The following EP300 variants were observed in gnomAD, a reference collection of about 807,000 sequenced individuals.
The protein encoded by EP300 is histone acetyltransferase p300.
Under a neutral mutation model 264.0 loss-of-function variants are expected in EP300, and 31 were observed. That is an observed-to-expected ratio of 0.12 (90% CI 0.09 to 0.16). The LOEUF is 0.16. Ranked by LOEUF, EP300 falls within the 10% of genes least tolerant of loss-of-function variation. EP300 has a pLI of 1.00. For missense variants in EP300, 2,766 were observed against 3,052.9 expected (o/e 0.91, Z 2.21); for synonymous variants, 1,340 against 1,045.4 (o/e 1.28, Z -5.44).
intron 1 of EP300, among the ~76,000 whole-genome samples, chr22:41,106,534 C>G (rs1052555116): frequency 6.6e-6 from 1 of 152,172 alleles, no homozygotes; most frequent in East Asian, 1.9e-4. Context: ...TTGTTCCACT[C>G]TTCATCTGTC....
intron 1 of EP300, among the ~76,000 whole-genome samples, chr22:41,101,567 A>G (rs1218358104): frequency 1.3e-5 from 2 of 151,754 alleles, no homozygotes; most frequent in Non-Finnish European, 2.9e-5. Context: ...ACCCGCCACC[A>G]TGCCCGGCTA....
intron 7 of EP300, among the ~76,000 whole-genome samples, chr22:41,137,006 G>C (rs1353715899): frequency 1.3e-5 from 2 of 150,530 alleles, no homozygotes; most frequent in Non-Finnish European, 3.0e-5. Context: ...GTTGCAGTGA[G>C]CTGAGATCAT....
At chr22:41,173,879 A>AG (rs1467195311) in intron 29 of EP300, 95 bp downstream of exon 29, 3 of 1,475,334 alleles carry the variant, frequency 2.0e-6, no homozygotes, top group Non-Finnish European at 2.8e-6. Context: ...TGGGAGGCCA[A>AG]GGCGGGTGGA....
At position 41,179,880 on chromosome 22, in the gene EP300, T is replaced by TCACACACA. The variant is rs59721178; in HGVS notation, c.*960_*967dup. On this transcript the variant is annotated 3_prime_UTR_variant, in exon 31 of 31. Coordinates refer to ENST00000263253, the MANE Select transcript of EP300 (RefSeq NM_001429.4). Reference sequence around the variant, plus strand: ...TCTTCCTCCTTACCCTACCCCCCACTCACACACACACACACACACACACAC... The same window carrying TCACACACA: ...TCTTCCTCCTTACCCTACCCCCCACTCACACACACACACACACACACACACACACACAC... 169 of 167,196 alleles carry TCACACACA rather than the reference T, an allele frequency of 1.0e-3. 2 individuals are homozygous for TCACACACA. Among genetic ancestry groups the TCACACACA allele is most frequent in the African/African-American group, 2.5e-3 (99 of 39,896 alleles). 10.4% of individuals were successfully genotyped at this position (167,196 alleles called of 1,614,324 possible).
At chr22:41,176,041 G>A (rs986449275) in intron 29 of EP300, 80 of 606,418 alleles carry the variant, frequency 1.3e-4, no homozygotes, top group South Asian at 4.7e-4. Context: ...GCAACATGGC[G>A]AAGCCTCGTC....
chr22:41,146,764 G>C lies in EP300; in HGVS notation c.2079G>C (p.Met693Ile), dbSNP rs2145732328. Residue 693 changes from methionine to isoleucine, a missense_variant, in exon 11 of 31, where the codon ATG becomes ATC. Coordinates refer to ENST00000263253, the MANE Select transcript of EP300 (RefSeq NM_001429.4). ...TSNGPLPDPS[M>I]IRGSVPNQMM... The stretch of plus-strand genomic sequence containing the variant: ...ATGGCCCTCTACCTGACCCAAGTAT[G>C]ATCCGTGGCAGTGTGCCAAACCAGA... 1 of 1,614,176 alleles carries C rather than the reference G, an allele frequency of 6.2e-7. No homozygotes were observed. Among genetic ancestry groups the C allele is most frequent in the Non-Finnish European group, 8.5e-7 (1 of 1,180,020 alleles).
rs1297621429 is a variant in EP300, at chr22:41,149,826, C to T, written c.2445C>T (p.Ser815=). The stretch of plus-strand genomic sequence containing the variant: ...TAATGCCTCCAGGGTCTCAGGGGAG[C>T]CACATTCACTGTCCCCAGCTTCCTC... ...SPIMPPGSQG[S]HIHCPQLPQP... Residue 815 remains serine (S), a synonymous_variant, in exon 14 of 31, where the codon AGC becomes AGT. Coordinates refer to ENST00000263253, the MANE Select transcript of EP300 (RefSeq NM_001429.4). The T allele has an allele frequency of 6.2e-7, 1 of 1,614,066 alleles. No homozygotes were observed. The highest frequency in any genetic ancestry group is 8.5e-7 in the Non-Finnish European group (1 of 1,179,990).
chr22:41,093,970 G>C (rs1355771441), intron 1 of EP300, among the ~76,000 whole-genome samples: 2 of 152,204 alleles, frequency 1.3e-5, no homozygotes, highest in African/African-American at 4.8e-5. Flanking sequence ...GTTTGTGTGT[G>C]TCTTTGTCTT....
chr22:41,107,740 G>A (rs950858870), intron 1 of EP300, among the ~76,000 whole-genome samples: 1 of 152,094 alleles, frequency 6.6e-6, no homozygotes, highest in African/African-American at 2.4e-5. Context: ...GGCTTTTGTT[G>A]CCCAAACTGG....
intron 1 of EP300, among the ~76,000 whole-genome samples, chr22:41,094,680 T>TA (rs1191660651): frequency 6.6e-6 from 1 of 152,218 alleles, no homozygotes; most frequent in Non-Finnish European, 1.5e-5. Context: ...TTTAGAGACT[T>TA]AATCACCTGT....
chr22:41,131,742 A>G (rs993224055), intron 6 of EP300, 109 bp downstream of exon 6: 4 of 1,541,218 alleles, frequency 2.6e-6, no homozygotes, highest in Non-Finnish European at 3.6e-6. Flanking sequence ...TGATTTTTTA[A>G]GTAATTTTTT....
At position 41,176,360 on chromosome 22, in the gene EP300, C is replaced by T. The variant is rs2059200502; in HGVS notation, c.4893C>T (p.Leu1631=). 1 of 1,614,242 alleles carries T rather than the reference C, an allele frequency of 6.2e-7. No homozygotes were observed. The highest frequency in any genetic ancestry group is 2.2e-5 in the East Asian group (1 of 44,884). ...CDLMDGRDAF[L]TLARDKHLEF... ...TGATGGATGGTCGGGATGCGTTTCT[C>T]ACGCTGGCAAGGGACAAGCACCTGG... The change falls in exon 30 of 31, where the codon CTC becomes CTT. Residue 1631 remains leucine (L), a synonymous_variant. Transcript: ENST00000263253.
chr22:41,177,289 G>A lies in EP300; in HGVS notation c.5578G>A (p.Gly1860Ser), dbSNP rs2059206293. The change falls in exon 31 of 31, where the codon GGC (glycine) becomes AGC (serine). Residue 1860 changes from glycine to serine, a missense_variant. Transcript: ENST00000263253. ...TCCTGCCACTCCAACGACACCAACT[G>A]GCCAACAGCCAACCACCCCGCAGAC... ...PTPATPTTPT[G>S]QQPTTPQTPQ... 1.2e-6 allele frequency: 2 copies of A among 1,613,896 alleles called. No homozygotes were observed. The highest frequency in any genetic ancestry group is 1.3e-5 in the African/African-American group (1 of 74,838).
chr22:41,138,755 A>G (rs1407826476), intron 8 of EP300, among the ~76,000 whole-genome samples: 1 of 152,086 alleles, frequency 6.6e-6, no homozygotes, highest in Admixed American at 6.5e-5. Context: ...AAGTCTTTTC[A>G]TTTCACTTTC....
intron 2 of EP300, among the ~76,000 whole-genome samples, chr22:41,123,765 G>A (rs1028274738): frequency 6.8e-6 from 1 of 147,376 alleles, no homozygotes; most frequent in Non-Finnish European, 1.5e-5. Flanking sequence ...ACTTTGTTTG[G>A]GATATAAAGT....
At position 41,177,693 on chromosome 22, in the gene EP300, C is replaced by T. The variant is rs150367859; in HGVS notation, c.5982C>T (p.Pro1994=). ...MGPTGMQQQP[P]WSQGGLPQPQ... ...CGACAGGGATGCAGCAACAGCCACCCTGGAGCCAAGGAGGATTGCCTCAGC... is the reference window on the plus strand; with the variant it reads ...CGACAGGGATGCAGCAACAGCCACCTTGGAGCCAAGGAGGATTGCCTCAGC... The change falls in exon 31 of 31, where the codon CCC becomes CCT. Residue 1994 remains proline (P), a synonymous_variant. Transcript: ENST00000263253. 4 of 1,613,796 alleles carry T rather than the reference C, an allele frequency of 2.5e-6. No homozygotes were observed. Among genetic ancestry groups the T allele is most frequent in the Non-Finnish European group, 3.4e-6 (4 of 1,180,004 alleles).
intron 16 of EP300, among the ~76,000 whole-genome samples, chr22:41,154,489 C>G (rs1396286459): frequency 6.8e-6 from 1 of 146,790 alleles, no homozygotes; most frequent in Non-Finnish European, 1.5e-5. Context: ...TCAAGCAGTT[C>G]TCTTGCCTCA....
At position 41,176,891 on chromosome 22, in the gene EP300, C is replaced by T; in HGVS notation, c.5180C>T (p.Pro1727Leu). The T allele has an allele frequency of 6.2e-7, 1 of 1,614,152 alleles. No individual in the cohort carries two copies. Among genetic ancestry groups the T allele is most frequent in the Non-Finnish European group, 8.5e-7 (1 of 1,179,998 alleles). ...CAGCAGGCTGCAGCCACCCAGAGCC[C>T]AGGCGATTCTCGCCGCCTGAGTATC... ...NNQQAAATQS[P>L]GDSRRLSIQR... The change falls in exon 31 of 31, where the codon CCA becomes CTA. Residue 1727 changes from proline (P) to leucine (L), a missense_variant. By Grantham distance (98) the Pro-to-Leu change is moderately conservative. Transcript: ENST00000263253.
intron 11 of EP300, 108 bp downstream of exon 11, chr22:41,146,924 A>T: frequency 1.0e-6 from 1 of 954,418 alleles, no homozygotes; most frequent in South Asian, 1.4e-5. Flanking sequence ...TGTCATGATT[A>T]CCTGCCCATA....
Sources: gnomAD v4.1 joint callset for allele counts (sites outside exome capture counted in the v4.1 genomes callset) on GRCh38, gnomAD v4.1.1 for gene constraint, MANE v1.5 for transcripts, NCBI Gene and HGNC (gene_info 2026-07-23, HGNC 2026-07-21) for gene names.